The following NTNG2 variants were observed in gnomAD, a reference collection of about 807,000 sequenced individuals.
The protein encoded by NTNG2 is netrin-G2.
A neutral mutation model predicts 47.6 loss-of-function variants in NTNG2; 15 were observed. The observed-to-expected ratio is 0.32, with a 90% confidence interval of 0.21 to 0.49. The LOEUF (loss-of-function observed/expected upper bound fraction) is 0.49. Among genes scored for constraint, NTNG2 ranks in the 20% least tolerant of loss-of-function variants. The pLI is 0.99. For missense variants in NTNG2, 578 were observed against 764.6 expected (o/e 0.76, Z 2.88); for synonymous variants, 307 against 324.6 (o/e 0.95, Z 0.58).
In NTNG2 at chr9:132,208,186, G is replaced by A. The variant is rs1839312861; in HGVS notation, c.857+9577G>A. Among the ~76,000 whole-genome samples, 1 of 152,018 alleles carries A rather than the reference G, an allele frequency of 6.6e-6. No individual in the cohort carries two copies. The highest frequency in any genetic ancestry group is 1.5e-5 in the Non-Finnish European group (1 of 67,988). ...GGTCAGGGAAGGCCCTCCAGGGAGG[G>A]GGGCTTTGAAGGAGAAACCTGAAGG... On this transcript the variant is annotated intron_variant, in intron 3 of 7. Transcript: ENST00000393229. The surrounding 1 kb of genome is among the most constrained non-coding windows in gnomAD (Gnocchi z 4.0).
chr9:132,177,748 C>T (rs769384672), intron 2 of NTNG2, among the ~76,000 whole-genome samples: 1 of 152,214 alleles, frequency 6.6e-6, no homozygotes, highest in Non-Finnish European at 1.5e-5. Context: ...ACCTCCCCCT[C>T]CCGGGTTCAA....
intron 3 of NTNG2, among the ~76,000 whole-genome samples, chr9:132,200,122 C>T (rs1281302989): frequency 1.3e-5 from 2 of 152,024 alleles, no homozygotes; most frequent in African/African-American, 2.4e-5. Flanking sequence ...TGAAGCACAC[C>T]GAACAGTGCC....
intron 2 of NTNG2, among the ~76,000 whole-genome samples, chr9:132,172,435 C>G (rs1053765885): frequency 3.3e-5 from 5 of 152,174 alleles, no homozygotes; most frequent in African/African-American, 1.2e-4. Flanking sequence ...TCAATGGGAG[C>G]TATTAATAGA....
Position 132,230,595 on chromosome 9 carries a change from A to T in NTNG2, c.1054A>T (p.Asn352Tyr). 2 of 1,605,040 alleles carry T rather than the reference A, an allele frequency of 1.2e-6. No homozygotes were observed. The highest frequency in any genetic ancestry group is 8.5e-7 in the Non-Finnish European group (1 of 1,175,950). ...AGGTGCCACTGCAGGTTCCTTTGGC[A>T]GTAAGTACACGCCTGGGGAGGGTGG... ...NACATAGSFGNCECYGHSNRC... is the reference protein window; with the variant it reads ...NACATAGSFGYCECYGHSNRC... Residue 352 changes from asparagine (N) to tyrosine (Y), a missense_variant and splice_region_variant, in exon 5 of 8, where the codon AAC becomes TAC. Physicochemically the swap from Asn to Tyr is moderately radical, Grantham distance 143 (BLOSUM62 -2). Coordinates refer to ENST00000393229, the MANE Select transcript of NTNG2 (RefSeq NM_032536.4).
At position 132,181,110 on chromosome 9, in the gene NTNG2, G is replaced by T. The variant is rs58477205; in HGVS notation, c.213+14066G>T. ...GACTTTCTCTTTTTTTTGAGACAGG[G>T]TCTCACTCTGTCACCCAGGCTGGAG... On this transcript the variant is annotated intron_variant, in intron 2 of 7. Transcript: ENST00000393229. Among the ~76,000 whole-genome samples the T allele has an allele frequency of 5.6e-3, 852 of 152,178 alleles. 9 individuals carry two copies. Among genetic ancestry groups the T allele is most frequent in the African/African-American group, 0.02 (822 of 41,506 alleles).
chr9:132,240,888 G>C (rs1256024706), intron 6 of NTNG2, 22 bp from the exon 7 acceptor site: 6 of 1,612,514 alleles, frequency 3.7e-6, no homozygotes, highest in Non-Finnish European at 5.1e-6. Context: ...CTGACCGCGC[G>C]CCCGTGCCCG....
intron 2 of NTNG2, among the ~76,000 whole-genome samples, chr9:132,185,828 AGGAGGAGGAGTG>A (rs1837322874): frequency 1.1e-5 from 1 of 91,498 alleles, no homozygotes; most frequent in Admixed American, 1.0e-4. Context: ...TGCAGGGAGG[AGGAGGAGGAGTG>A]GGAGGAGGAG....
rs749756559 is a variant in NTNG2 at position 132,189,068 on chromosome 9, C to CTTTTTTTTT, written c.214-8879_214-8871dup. ...TATGTGAAAAAGGCTTTAAGCCTTT[C>CTTTTTTTTT]TTTTTTTTTTTTTTTTTTTTTTTTT... is the stretch of plus-strand genomic sequence containing the variant. On this transcript the variant is annotated intron_variant, in intron 2 of 7. Transcript: ENST00000393229. Among the ~76,000 whole-genome samples, 621 of 93,256 alleles carry CTTTTTTTTT rather than the reference C, an allele frequency of 6.7e-3. 99 individuals carry two copies. Among genetic ancestry groups the CTTTTTTTTT allele is most frequent in the African/African-American group, 0.016 (362 of 21,976 alleles). 61.2% of individuals were successfully genotyped at this position (93,256 alleles called of 152,430 possible).
At chr9:132,235,722 A>T (rs1589558166) in intron 5 of NTNG2, among the ~76,000 whole-genome samples, 1 of 152,258 alleles carries the variant, frequency 6.6e-6, no homozygotes, top group Middle Eastern at 3.4e-3. Context: ...TGCAGAAGGT[A>T]TGGGGGGGCA....
chr9:132,193,109 G>A (rs901583917), intron 2 of NTNG2, among the ~76,000 whole-genome samples: 2 of 152,226 alleles, frequency 1.3e-5, no homozygotes, highest in African/African-American at 4.8e-5. Flanking sequence ...TCAGGGGCCT[G>A]GGCAGGGCAG....
rs376030120 is a variant in NTNG2 at position 132,239,290 on chromosome 9, G to A, written c.1222+19G>A. The A allele has an allele frequency of 8.1e-6, 13 of 1,612,824 alleles. No homozygotes were observed. The highest frequency in any genetic ancestry group is 2.2e-5 in the East Asian group (1 of 44,890). ...TGCATTGGTGAGAGGGCACGGACAC[G>A]GCACAGGGAACTTGCTGGAATGCGT... On this transcript the variant is annotated intron_variant, in intron 6 of 7. Transcript: ENST00000393229.
At chr9:132,191,355 G>A (rs188066249) in intron 2 of NTNG2, among the ~76,000 whole-genome samples, 2 of 152,138 alleles carry the variant, frequency 1.3e-5, no homozygotes, top group Admixed American at 6.5e-5. Flanking sequence ...CAAAATAATC[G>A]CTCCCATTTG....
At position 132,222,482 on chromosome 9, in the gene NTNG2, G is replaced by A. The variant is rs114167717; in HGVS notation, c.858-4367G>A. On this transcript the variant is annotated intron_variant, in intron 3 of 7. Coordinates refer to ENST00000393229, the MANE Select transcript of NTNG2 (RefSeq NM_032536.4). ...CAGCTTGGTGTTCCAGTAAAACCTCGGCAGGGTTAGTGTCCAGGCTCTCAG... is the reference window on the plus strand; with the variant it reads ...CAGCTTGGTGTTCCAGTAAAACCTCAGCAGGGTTAGTGTCCAGGCTCTCAG... Among the ~76,000 whole-genome samples, 442 of 152,256 alleles carry A rather than the reference G, an allele frequency of 2.9e-3. 5 individuals carry two copies. Among genetic ancestry groups the A allele is most frequent in the African/African-American group, 0.01 (420 of 41,538 alleles).
At position 132,222,333 on chromosome 9, in the gene NTNG2, T is replaced by C. The variant is rs556050157; in HGVS notation, c.858-4516T>C. On this transcript the variant is annotated intron_variant, in intron 3 of 7. Coordinates refer to ENST00000393229, the MANE Select transcript of NTNG2 (RefSeq NM_032536.4). The stretch of plus-strand genomic sequence containing the variant: ...AGGGCCGCCCGTACCAATAGGTGCC[T>C]GCTGTCCCCCTCTGTGCCTTTCCCA... Among the ~76,000 whole-genome samples, 3 of 152,342 alleles carry C rather than the reference T, an allele frequency of 2.0e-5. No individual in the cohort carries two copies. In the East Asian group the frequency reaches 5.8e-4, roughly 29 times the overall value.
intron 6 of NTNG2, 22 bp from the exon 7 acceptor site, chr9:132,240,888 G>A (rs1256024706): frequency 6.2e-7 from 1 of 1,612,514 alleles, no homozygotes; most frequent in Admixed American, 1.7e-5. Flanking sequence ...CTGACCGCGC[G>A]CCCGTGCCCG....
chr9:132,164,182 A>C (rs1835322279), intron 1 of NTNG2, among the ~76,000 whole-genome samples: 1 of 152,096 alleles, frequency 6.6e-6, no homozygotes, highest in African/African-American at 2.4e-5. Flanking sequence ...TTGTAAACAC[A>C]TTTTTCCCCT....
In NTNG2 at chr9:132,231,286, T is replaced by G. The variant is rs1037076148; in HGVS notation, c.1054+691T>G. 3 of 455,576 alleles carry G rather than the reference T, an allele frequency of 6.6e-6. No individual in the cohort carries two copies. The highest frequency in any genetic ancestry group is 4.0e-5 in the African/African-American group (2 of 49,876). The allele number at this position is 455,576 out of a possible 1,614,324, so 28.2% of individuals were successfully genotyped here. On this transcript the variant is annotated intron_variant, in intron 5 of 7. Transcript: ENST00000393229. The surrounding 1 kb of genome is among the most constrained non-coding windows in gnomAD (Gnocchi z 4.1). The stretch of plus-strand genomic sequence containing the variant: ...CTCACAGGGTGCCAGGCACGGTCTC[T>G]CCTTTCAGCCTTGCAAACCCCTCCC...
chr9:132,238,033 A>T (rs1043119932), intron 5 of NTNG2, among the ~76,000 whole-genome samples: 9 of 151,856 alleles, frequency 5.9e-5, no homozygotes, highest in African/African-American at 2.2e-4. Flanking sequence ...CCCTCATCCC[A>T]TCACAAAAGG....
At position 132,231,735 on chromosome 9, in the gene NTNG2, C is replaced by G; in HGVS notation, c.1054+1140C>G. 5.4e-6 allele frequency: 1 copy of G among 184,674 alleles called. No individual in the cohort carries two copies. The highest frequency in any genetic ancestry group is 8.3e-5 in the South Asian group (1 of 12,014). The allele number at this position is 184,674 out of a possible 1,614,324, so 11.4% of individuals were successfully genotyped here. ...GACAGGGGCCCCTACTACTCCTGTC[C>G]CCTCCACGTCCACTGCCTGGGCCCC... On this transcript the variant is annotated intron_variant, in intron 5 of 7. Transcript: ENST00000393229. The surrounding 1 kb of genome is among the most constrained non-coding windows in gnomAD (Gnocchi z 4.1).
Sources: gnomAD v4.1 joint callset for allele counts (sites outside exome capture counted in the v4.1 genomes callset) on GRCh38, gnomAD v4.1.1 for gene constraint, Gnocchi (gnomAD v3.1) non-coding constraint, MANE v1.5 for transcripts, NCBI Gene and HGNC (gene_info 2026-07-23, HGNC 2026-07-21) for gene names.